Variants in IL1RN observed in about 807,000 individuals in gnomAD.
IL1RN encodes interleukin-1 receptor antagonist protein.
Under a neutral mutation model 13.7 loss-of-function variants are expected in IL1RN, and 10 were observed. The ratio of observed to expected loss-of-function variants is 0.73; its 90% CI spans 0.45 to 1.24. IL1RN has a LOEUF of 1.24. IL1RN is among the 50% of genes most tolerant of loss of function. IL1RN has a pLI of 0.00. For synonymous variants in IL1RN, 102 were observed against 82.7 expected (o/e 1.23, Z -1.27); for missense variants, 213 against 222.1 (o/e 0.96, Z 0.26).
At chr2:113,113,684 C>G (rs1000155892), upstream of IL1RN, among the ~76,000 whole-genome samples, 2 of 152,114 alleles carry the variant, frequency 1.3e-5, no homozygotes, top group African/African-American at 4.8e-5. Flanking sequence ...TGAGAGTATA[C>G]TTATCCCCAA....
chr2:113,126,875 C>T (rs757020864), upstream of IL1RN, among the ~76,000 whole-genome samples: 31 of 152,128 alleles, frequency 2.0e-4, no homozygotes, highest in Admixed American at 2.0e-3. Flanking sequence ...GTCATCGTCC[C>T]GAGACCATAA....
At chr2:113,127,274 T>G (rs914384985), upstream of IL1RN, among the ~76,000 whole-genome samples, 1 of 152,194 alleles carries the variant, frequency 6.6e-6, no homozygotes, top group Non-Finnish European at 1.5e-5. Flanking sequence ...ATCTGTTTTT[T>G]AAAAAGTCAA....
upstream of IL1RN, among the ~76,000 whole-genome samples, chr2:113,103,555 G>A (rs1686345252): frequency 6.6e-6 from 1 of 152,200 alleles, no homozygotes; most frequent in Non-Finnish European, 1.5e-5. Flanking sequence ...CTCCCCCAGA[G>A]TCCAGAAAGA....
chr2:113,121,389 C>A (rs2104440643), intron 2 of IL1RN: 1 of 881,938 alleles, frequency 1.1e-6, no homozygotes, highest in Non-Finnish European at 1.4e-6. Context: ...AACAGGTAAG[C>A]AACACAGTTG....
At position 113,127,687 on chromosome 2, in the gene IL1RN, A is replaced by G. The variant is rs763872895; in HGVS notation, c.63A>G (p.Ser21=). 29 of 1,614,116 alleles carry G rather than the reference A, an allele frequency of 1.8e-5. No individual in the cohort carries two copies. The East Asian group carries it at 6.0e-4, about 34-fold the overall frequency. The change falls in exon 1 of 4, where the codon TCA becomes TCG. Residue 21 remains serine (S), a synonymous_variant. Coordinates refer to ENST00000409930, the MANE Select transcript of IL1RN (RefSeq NM_173842.3). ...LITLLLFLFH[S]ETICRPSGRK... Reference sequence around the variant, plus strand: ...CTCTCCTCCTCTTCCTGTTCCATTCAGAGACGATCTGCCGACCCTCTGGGA... The same window carrying G: ...CTCTCCTCCTCTTCCTGTTCCATTCGGAGACGATCTGCCGACCCTCTGGGA...
At chr2:113,128,184 G>A (rs1164868545) in intron 1 of IL1RN, among the ~76,000 whole-genome samples, 1 of 152,262 alleles carries the variant, frequency 6.6e-6, no homozygotes, top group African/African-American at 2.4e-5. Context: ...TGTGACATGA[G>A]AGTCACGATA....
At chr2:113,108,138 T>C (rs1373771896), upstream of IL1RN, among the ~76,000 whole-genome samples, 1 of 152,186 alleles carries the variant, frequency 6.6e-6, no homozygotes, top group East Asian at 1.9e-4. Flanking sequence ...CTGGAGATGA[T>C]GTTTCTCTAA....
At chr2:113,131,842 G>A (rs1687182230) in intron 3 of IL1RN, among the ~76,000 whole-genome samples, 1 of 152,144 alleles carries the variant, frequency 6.6e-6, no homozygotes, top group African/African-American at 2.4e-5. Flanking sequence ...TCAGGGGCTT[G>A]CTGGATGCAA....
chr2:113,133,252 A>C lies in IL1RN; in HGVS notation c.*381A>C. On this transcript the variant is annotated 3_prime_UTR_variant, in exon 4 of 4. Coordinates refer to ENST00000409930, the MANE Select transcript of IL1RN (RefSeq NM_173842.3). ...CCATCAGGCCACTTGATGACCCCCA[A>C]CCAAGTGGCTCCCACACCCTGTTTT... is the stretch of plus-strand genomic sequence containing the variant. 3.0e-6 allele frequency: 1 copy of C among 328,192 alleles called. No individual in the cohort carries two copies. Among genetic ancestry groups the C allele is most frequent in the Non-Finnish European group, 5.9e-6 (1 of 169,654 alleles). 20.3% of individuals were successfully genotyped at this position (328,192 alleles called of 1,614,324 possible). A position where few individuals can be genotyped will look rare whatever the true frequency, so the allele number is the denominator to read the frequency against.
upstream of IL1RN, among the ~76,000 whole-genome samples, chr2:113,124,656 C>T (rs1573296399): frequency 1.3e-5 from 2 of 152,190 alleles, no homozygotes; most frequent in African/African-American, 2.4e-5. Context: ...TGATTCATCA[C>T]GTGCAGCATT....
chr2:113,115,167 T>C (rs1280113321), upstream of IL1RN, among the ~76,000 whole-genome samples: 1 of 152,174 alleles, frequency 6.6e-6, no homozygotes, highest in Non-Finnish European at 1.5e-5. Context: ...TCCCATGTAT[T>C]TTCAAACCTC....
At chr2:113,126,430 G>C (rs762084651), upstream of IL1RN, among the ~76,000 whole-genome samples, 4 of 152,170 alleles carry the variant, frequency 2.6e-5, no homozygotes, top group Non-Finnish European at 4.4e-5. Context: ...GTTGGGACAG[G>C]ATGATTGCCA....
At position 113,133,333 on chromosome 2, in the gene IL1RN, A is replaced by C. The variant is rs1191400937; in HGVS notation, c.*462A>C. 5.7e-6 allele frequency: 1 copy of C among 176,376 alleles called. No homozygotes were observed. Among genetic ancestry groups the C allele is most frequent in the Admixed American group, 5.4e-5 (1 of 18,368 alleles). The allele number at this position is 176,376 out of a possible 1,614,324, so 10.9% of individuals were successfully genotyped here. ...GGTTTTTAAGGGTTTGTGGAAAATG[A>C]AAATTAGGATTTCATGATTTTTTTT... On this transcript the variant is annotated 3_prime_UTR_variant, in exon 4 of 4. Transcript: ENST00000409930.
chr2:113,105,111 C>G (rs1401510825), upstream of IL1RN, among the ~76,000 whole-genome samples: 1 of 152,086 alleles, frequency 6.6e-6, no homozygotes, highest in Non-Finnish European at 1.5e-5. Context: ...TAGCTGGGCT[C>G]AGGGGTGGAT....
Position 113,127,716 on chromosome 2 carries a change from A to G in IL1RN, c.92A>G (p.Lys31Arg), listed in dbSNP as rs1687013104. Reference sequence around the variant, plus strand: ...ACGATCTGCCGACCCTCTGGGAGAAAATCCAGCAAGATGCAAGCCTTCAGG... The same window carrying G: ...ACGATCTGCCGACCCTCTGGGAGAAGATCCAGCAAGATGCAAGCCTTCAGG... ...SETICRPSGR[K>R]SSKMQAFRIW... Residue 31 changes from lysine (K) to arginine (R), a missense_variant, in exon 1 of 4, where the codon AAA becomes AGA. By Grantham distance (26) the Lys-to-Arg change is conservative. Coordinates refer to ENST00000409930, the MANE Select transcript of IL1RN (RefSeq NM_173842.3). The G allele has an allele frequency of 6.2e-7, 1 of 1,613,852 alleles. No individual in the cohort carries two copies. The highest frequency in any genetic ancestry group is 8.5e-7 in the Non-Finnish European group (1 of 1,179,996).
At chr2:113,128,963 G>A (rs1470218695) in intron 1 of IL1RN, among the ~76,000 whole-genome samples, 1 of 152,198 alleles carries the variant, frequency 6.6e-6, no homozygotes, top group Non-Finnish European at 1.5e-5. Context: ...GCAGGACTCT[G>A]AGCAGGTCAC....
rs936300471 is a variant in IL1RN, at chr2:113,118,016, C to T, written c.-3C>T. 3.8e-6 allele frequency: 6 copies of T among 1,582,086 alleles called. No individual in the cohort carries two copies. In the African/African-American group the frequency reaches 8.1e-5, roughly 21 times the overall value. ...AGACCTCCTGTCCTATGAGGCCCTC[C>T]CCATGGCTTTAGGTAAGCTCCTTCC... On this transcript the variant is annotated 5_prime_UTR_variant, in exon 1 of 6. Coordinates refer to the IL1RN transcript ENST00000259206.
At chr2:113,121,060 C>T (rs11683422) in intron 2 of IL1RN, among the ~76,000 whole-genome samples, 23,479 of 65,328 alleles carry the variant, frequency 0.36, 2,335 homozygotes, top group East Asian at 0.66. Flanking sequence ...CTTCTTCTTC[C>T]TCCTCCTCCT....
Position 113,132,778 on chromosome 2 carries a change from C to T in IL1RN, c.441C>T (p.Cys147=). Residue 147 remains cysteine (C), a synonymous_variant, in exon 4 of 4, where the codon TGC becomes TGT. Coordinates refer to ENST00000409930, the MANE Select transcript of IL1RN (RefSeq NM_173842.3). The part of the protein sequence containing the change: ...ESAACPGWFL[C]TAMEADQPVS... ...CCGCCTGCCCCGGTTGGTTCCTCTG[C>T]ACAGCGATGGAAGCTGACCAGCCCG... 2 of 1,614,266 alleles carry T rather than the reference C, an allele frequency of 1.2e-6. No homozygotes were observed. The highest frequency in any genetic ancestry group is 1.7e-6 in the Non-Finnish European group (2 of 1,180,052).
Sources: allele counts gnomAD v4.1 joint callset (sites outside exome capture counted in the v4.1 genomes callset), GRCh38; gene constraint gnomAD v4.1.1; transcripts MANE v1.5; gene names NCBI Gene and HGNC (gene_info 2026-07-23, HGNC 2026-07-21).